The following WWTR1 variants were observed in gnomAD, a reference collection of about 807,000 sequenced individuals.
The protein encoded by WWTR1 is WW domain containing transcription regulator 1, also known as WW domain-containing transcription regulator protein 1.
WWTR1 carries 13 observed loss-of-function variants against 40.1 expected under a neutral mutation model. The observed-to-expected ratio is 0.32, with a 90% CI of 0.21 to 0.52. The LOEUF (loss-of-function observed/expected upper bound fraction) is 0.52. Among genes scored for constraint, WWTR1 ranks in the 20% least tolerant of loss-of-function variants. WWTR1 has a pLI of 0.97. For missense variants in WWTR1, 436 were observed against 523.1 expected (o/e 0.83, Z 1.63); for synonymous variants, 230 against 210.1 (o/e 1.09, Z -0.82).
At chr3:149,602,104 G>A (rs1459373551) in intron 2 of WWTR1, among the ~76,000 whole-genome samples, 3 of 152,032 alleles carry the variant, frequency 2.0e-5, no homozygotes, top group East Asian at 1.9e-4. Flanking sequence ...CTACCAATAT[G>A]CATTTGCAGA....
At position 149,598,138 on chromosome 3, in the gene WWTR1, G is replaced by A. The variant is rs76670015; in HGVS notation, c.432-25138C>T. On this transcript the variant is annotated intron_variant, in intron 2 of 6. Coordinates refer to ENST00000360632, the MANE Select transcript of WWTR1 (RefSeq NM_015472.6). ...TGACCTACAATGTACCAGAAAAGCC[G>A]TAAAGGCAAACCCCCCAATAGATCC... is the stretch of plus-strand genomic sequence containing the variant. Among the ~76,000 whole-genome samples, 36 of 152,236 alleles carry A rather than the reference G, an allele frequency of 2.4e-4. No individual in the cohort carries two copies. In the East Asian group the frequency reaches 6.0e-3, roughly 25 times the overall value.
chr3:149,670,060 G>A (rs776159746), intron 1 of WWTR1, among the ~76,000 whole-genome samples: 14 of 152,182 alleles, frequency 9.2e-5, no homozygotes, highest in Admixed American at 2.0e-4. Context: ...CCTTAGGGGC[G>A]TCCCGCGATG....
At chr3:149,523,986 A>T (rs1009883735) in intron 6 of WWTR1, among the ~76,000 whole-genome samples, 1 of 152,190 alleles carries the variant, frequency 6.6e-6, no homozygotes, top group African/African-American at 2.4e-5. Context: ...GCACTCTGAC[A>T]TTATCAAGTC....
chr3:149,593,626 G>A (rs1016210426), intron 2 of WWTR1, among the ~76,000 whole-genome samples: 1 of 152,070 alleles, frequency 6.6e-6, no homozygotes, highest in South Asian at 2.1e-4. Context: ...CACATGCGTG[G>A]ACTTAAAAAA....
intron 2 of WWTR1, among the ~76,000 whole-genome samples, chr3:149,646,618 C>T (rs896493238): frequency 6.6e-6 from 1 of 152,206 alleles, no homozygotes; most frequent in African/African-American, 2.4e-5. Flanking sequence ...TCCACTCTAA[C>T]TGGTTATTGA....
At chr3:149,549,659 G>A (rs1033239754) in intron 3 of WWTR1, among the ~76,000 whole-genome samples, 1 of 152,122 alleles carries the variant, frequency 6.6e-6, no homozygotes, top group Admixed American at 6.6e-5. Flanking sequence ...GCAACATAGT[G>A]AGACCCTGTC....
chr3:149,687,411 C>T lies in WWTR1; in HGVS notation c.-108+15713G>A, dbSNP rs192265765. Among the ~76,000 whole-genome samples the T allele has an allele frequency of 1.6e-4, 24 of 152,290 alleles. No individual in the cohort carries two copies. In the East Asian group the frequency reaches 4.4e-3, roughly 28 times the overall value. On this transcript the variant is annotated intron_variant, in intron 1 of 7. Coordinates refer to the WWTR1 transcript ENST00000465804. ...TTTAAATCTATTTGAAAAGAGATGG[C>T]ATGCCTGACATTCAACCTGTAATAT... is the stretch of plus-strand genomic sequence containing the variant.
At chr3:149,568,901 G>C (rs1269593451) in intron 3 of WWTR1, among the ~76,000 whole-genome samples, 1 of 152,154 alleles carries the variant, frequency 6.6e-6, no homozygotes, top group East Asian at 1.9e-4. Context: ...CGAGCAGCTG[G>C]GACTACAGGC....
chr3:149,580,858 C>T (rs777705188), intron 2 of WWTR1, among the ~76,000 whole-genome samples: 1 of 152,094 alleles, frequency 6.6e-6, no homozygotes, highest in Non-Finnish European at 1.5e-5. Flanking sequence ...GCCATCCACC[C>T]GCCTCAGGCT....
chr3:149,543,842 G>GA, intron 3 of WWTR1, among the ~76,000 whole-genome samples: 1 of 150,372 alleles, frequency 6.7e-6, no homozygotes, highest in East Asian at 1.9e-4. Flanking sequence ...TCATTTCTGA[G>GA]AAAAAAATTC....
chr3:149,582,263 A>ATT (rs924337833), intron 2 of WWTR1, among the ~76,000 whole-genome samples: 1 of 148,694 alleles, frequency 6.7e-6, no homozygotes, highest in African/African-American at 2.5e-5. Context: ...CATTTTTCCT[A>ATT]TTTTGTGAAA....
intron 3 of WWTR1, among the ~76,000 whole-genome samples, chr3:149,572,547 G>A (rs952091395): frequency 2.0e-5 from 3 of 152,068 alleles, no homozygotes; most frequent in African/African-American, 4.8e-5. Context: ...AGAAAAAGCC[G>A]GCAGAAGGGT....
Position 149,572,879 on chromosome 3 carries a change from A to T in WWTR1, c.553T>A (p.Ser185Thr). The T allele has an allele frequency of 6.2e-7, 1 of 1,613,610 alleles. No individual in the cohort carries two copies. The change falls in exon 3 of 7, where the codon TCC (serine) becomes ACC (threonine). Residue 185 changes from serine (S) to threonine (T), a missense_variant. Physicochemically the swap from Ser to Thr is moderately conservative, Grantham distance 58 (BLOSUM62 1). Coordinates refer to ENST00000360632, the MANE Select transcript of WWTR1 (RefSeq NM_015472.6). ...TPVPQRSMAV[S>T]QPNLVMNHQH... Reference sequence around the variant, plus strand: ...TGAGGCTTACCGAGATTTGGCTGGGATACTGCCATGGACCTCTGAGGCACT... The same window carrying T: ...TGAGGCTTACCGAGATTTGGCTGGGTTACTGCCATGGACCTCTGAGGCACT...
intron 5 of WWTR1, among the ~76,000 whole-genome samples, chr3:149,526,537 C>T (rs188433914): frequency 6.6e-6 from 1 of 152,034 alleles, no homozygotes; most frequent in African/African-American, 2.4e-5. Flanking sequence ...CCACTGGGGA[C>T]AGAAGGGAAA....
At chr3:149,639,993 CAAAAAAAAAAAA>C (rs1215330406) in intron 2 of WWTR1, among the ~76,000 whole-genome samples, 1 of 76,314 alleles carries the variant, frequency 1.3e-5, no homozygotes, top group Non-Finnish European at 2.5e-5. Context: ...GACTCCGTCT[CAAAAAAAAAAAA>C]AAAAAAAAGA....
intron 1 of WWTR1, among the ~76,000 whole-genome samples, chr3:149,690,581 A>G (rs1384361586): frequency 6.6e-6 from 1 of 152,204 alleles, no homozygotes; most frequent in Admixed American, 6.5e-5. Flanking sequence ...ATAAATATAT[A>G]CATGCACTCA....
intron 2 of WWTR1, among the ~76,000 whole-genome samples, chr3:149,614,704 T>G (rs937846311): frequency 3.9e-5 from 6 of 152,050 alleles, no homozygotes; most frequent in Non-Finnish European, 5.9e-5. Context: ...TAGCTTAGGG[T>G]GAGCATGGTG....
At chr3:149,690,150 A>G (rs1164456297) in intron 1 of WWTR1, among the ~76,000 whole-genome samples, 2 of 152,178 alleles carry the variant, frequency 1.3e-5, no homozygotes, top group African/African-American at 2.4e-5. Flanking sequence ...AATAAAAAGC[A>G]AGAAATTAAA....
intron 4 of WWTR1, among the ~76,000 whole-genome samples, chr3:149,536,482 A>AAG (rs112506707): frequency 7.8e-4 from 116 of 148,354 alleles, no homozygotes; most frequent in African/African-American, 2.7e-3. Context: ...AAAAAAAAAA[A>AAG]GGGGGGGGCC....
Sources: gnomAD v4.1 joint callset for allele counts (sites outside exome capture counted in the v4.1 genomes callset) on GRCh38, gnomAD v4.1.1 for gene constraint, MANE v1.5 for transcripts, NCBI Gene and HGNC (gene_info 2026-07-23, HGNC 2026-07-21) for gene names.